Variants in VTI1A observed in about 807,000 individuals in gnomAD.
VTI1A encodes vesicle transport through interaction with t-SNAREs homolog 1A.
VTI1A carries 22 observed loss-of-function variants against 34.9 expected under a neutral mutation model. The observed-to-expected ratio is 0.63, with a 90% confidence interval of 0.45 to 0.90. VTI1A has a LOEUF of 0.90. Ranked by LOEUF, VTI1A falls within the 40% of genes least tolerant of loss-of-function variation. VTI1A has a pLI of 0.00. For missense variants in VTI1A, 268 were observed against 275.6 expected (o/e 0.97, Z 0.20); for synonymous variants, 87 against 97.3 (o/e 0.89, Z 0.62).
At chr10:112,502,024 C>CT (rs71489973) in intron 3 of VTI1A, among the ~76,000 whole-genome samples, 1,550 of 119,310 alleles carry the variant, frequency 0.013, 40 homozygotes, top group African/African-American at 0.038. Context: ...AGAATCCTTA[C>CT]TTTTTTTTTT....
At chr10:112,736,424 C>A (rs1018217942) in intron 7 of VTI1A, among the ~76,000 whole-genome samples, 1 of 151,950 alleles carries the variant, frequency 6.6e-6, no homozygotes, top group Admixed American at 6.6e-5. Context: ...GTGCCCGGCA[C>A]GTAGTAAGTT....
rs995468409 is a variant in VTI1A, at chr10:112,661,141, C to T, written c.428-7077C>T. Among the ~76,000 whole-genome samples the T allele has an allele frequency of 7.9e-5, 12 of 152,154 alleles. No individual in the cohort carries two copies. The East Asian group carries it at 1.5e-3, about 20-fold the overall frequency. ...GACTACAGGCATGTGCCACCACACA[C>T]GGCTAAGTTTTTGTACTTTTTGCTA... is the stretch of plus-strand genomic sequence containing the variant. On this transcript the variant is annotated intron_variant, in intron 5 of 7. Transcript: ENST00000393077.
intron 4 of VTI1A, among the ~76,000 whole-genome samples, chr10:112,532,344 T>C (rs1326645119): frequency 3.3e-5 from 5 of 152,210 alleles, no homozygotes; most frequent in African/African-American, 1.2e-4. Flanking sequence ...TTATAACAGA[T>C]GTTACAGATA....
chr10:112,642,205 T>C (rs573343234), intron 5 of VTI1A, among the ~76,000 whole-genome samples: 10 of 152,320 alleles, frequency 6.6e-5, no homozygotes, highest in African/African-American at 2.2e-4. Flanking sequence ...AAATAGTAGA[T>C]TGTTCCAATT....
chr10:112,485,749 A>C (rs373178206), intron 3 of VTI1A, among the ~76,000 whole-genome samples: 1 of 152,190 alleles, frequency 6.6e-6, no homozygotes, highest in East Asian at 1.9e-4. Flanking sequence ...TGTAGAGAAA[A>C]GATGTTAGTT....
chr10:112,697,521 T>A (rs1590083012), intron 7 of VTI1A, among the ~76,000 whole-genome samples: 1 of 151,652 alleles, frequency 6.6e-6, no homozygotes, highest in Non-Finnish European at 1.5e-5. Context: ...CTCAGCCTCC[T>A]GAGTAGCTGG....
chr10:112,788,075 TTTTAATAATAAATTATTA>T (rs1378969205), intron 7 of VTI1A, among the ~76,000 whole-genome samples: 2 of 151,744 alleles, frequency 1.3e-5, no homozygotes, highest in East Asian at 3.8e-4. Context: ...ATTTCAATAT[TTTTAATAATAAATTATTA>T]TTTAATAATA....
intron 1 of VTI1A, among the ~76,000 whole-genome samples, chr10:112,457,639 C>T (rs551188451): frequency 6.6e-6 from 1 of 151,938 alleles, no homozygotes; most frequent in Non-Finnish European, 1.5e-5. Flanking sequence ...AATATATCAG[C>T]GTTAGAGATA....
intron 7 of VTI1A, among the ~76,000 whole-genome samples, chr10:112,749,291 C>T (rs1039119715): frequency 2.0e-5 from 3 of 152,192 alleles, no homozygotes; most frequent in Non-Finnish European, 2.9e-5. Flanking sequence ...TTCAGTACTG[C>T]TTACTGACAC....
At chr10:112,842,051 C>CTTTTTTTTTTTTTTTTT in the VTI1A span, among the ~76,000 whole-genome samples, 36 of 66,644 alleles carry the variant, frequency 5.4e-4, 1 homozygote, top group Non-Finnish European at 8.2e-4. Flanking sequence ...TTTTTTTTTC[C>CTTTTTTTTTTTTTTTTT]TTTTTTTTTT....
intron 5 of VTI1A, among the ~76,000 whole-genome samples, chr10:112,576,754 T>C (rs1450150424): frequency 6.6e-6 from 1 of 152,192 alleles, no homozygotes; most frequent in East Asian, 1.9e-4. Context: ...GTGCCAAATA[T>C]GTACAGGGCT....
At chr10:112,804,265 A>G (rs1229993327) in intron 7 of VTI1A, among the ~76,000 whole-genome samples, 1 of 152,162 alleles carries the variant, frequency 6.6e-6, no homozygotes, top group Non-Finnish European at 1.5e-5. Flanking sequence ...CCAGATGGAT[A>G]CCAGCCTGTG....
At chr10:112,693,882 C>T (rs1848692608) in intron 7 of VTI1A, among the ~76,000 whole-genome samples, 1 of 152,188 alleles carries the variant, frequency 6.6e-6, no homozygotes, top group Non-Finnish European at 1.5e-5. Flanking sequence ...CACTGTAGAA[C>T]AAGGCATTCC....
intron 7 of VTI1A, among the ~76,000 whole-genome samples, chr10:112,723,639 T>C (rs1021221385): frequency 3.3e-5 from 5 of 152,228 alleles, no homozygotes; most frequent in Admixed American, 3.3e-4. Flanking sequence ...GAAAGCATGG[T>C]TACTGCTAAA....
chr10:112,667,687 T>A (rs923593420), intron 5 of VTI1A, among the ~76,000 whole-genome samples: 10 of 152,162 alleles, frequency 6.6e-5, no homozygotes, highest in Admixed American at 6.6e-4. Context: ...AATGAGCCCT[T>A]GCCTTGAAGA....
chr10:112,669,369 A>G lies in VTI1A; in HGVS notation c.560+371A>G, dbSNP rs1475449521. ...GCAGACCTACCATTTTCAGGAGCAC[A>G]TTTGCCATTAGCTTTGCTCTCTGTT... On this transcript the variant is annotated intron_variant, in intron 7 of 7. Transcript: ENST00000393077. Among the ~76,000 whole-genome samples, 4 of 152,082 alleles carry G rather than the reference A, an allele frequency of 2.6e-5. 1 individual carries two copies. Among genetic ancestry groups the G allele is most frequent in the African/African-American group, 7.2e-5 (3 of 41,422 alleles).
chr10:112,477,647 G>C (rs1848318195), intron 3 of VTI1A, among the ~76,000 whole-genome samples: 1 of 152,246 alleles, frequency 6.6e-6, no homozygotes, highest in Non-Finnish European at 1.5e-5. Context: ...GCTTTGGAAA[G>C]TCACATTGCA....
intron 7 of VTI1A, among the ~76,000 whole-genome samples, chr10:112,690,744 G>A (rs1225700879): frequency 3.3e-5 from 5 of 152,156 alleles, no homozygotes; most frequent in African/African-American, 1.2e-4. Flanking sequence ...AAAATATAGA[G>A]CATGTGAAGC....
intron 5 of VTI1A, among the ~76,000 whole-genome samples, chr10:112,539,157 A>C (rs1850766486): frequency 6.6e-6 from 1 of 152,178 alleles, no homozygotes; most frequent in African/African-American, 2.4e-5. Flanking sequence ...TAAATAATCT[A>C]TTTTGTGTAT....
Sources: allele counts gnomAD v4.1 joint callset (sites outside exome capture counted in the v4.1 genomes callset), GRCh38; gene constraint gnomAD v4.1.1; transcripts MANE v1.5; gene names NCBI Gene and HGNC (gene_info 2026-07-23, HGNC 2026-07-21).